TBL1X: variants seen among roughly 807,000 people sequenced by gnomAD.
TBL1X encodes F-box-like/WD repeat-containing protein TBL1X.
In TBL1X, 10 loss-of-function variants were observed where a neutral mutation model predicts 50.7. That is an observed-to-expected ratio of 0.20 (90% CI 0.12 to 0.33). The LOEUF is 0.33. TBL1X is among the 10% of genes least tolerant of loss of function. The probability of loss-of-function intolerance (pLI) is 1.00; values close to 1 mark genes in which losing one functional copy is unlikely to be tolerated. For missense variants in TBL1X, 340 were observed against 504.4 expected (o/e 0.67, Z 3.12); for synonymous variants, 190 against 214.7 (o/e 0.88, Z 1.01).
At chrX:9,504,952 A>T (rs2082018887) in intron 2 of TBL1X, among the ~76,000 whole-genome samples, 1 of 111,723 alleles carries the variant, frequency 9.0e-6, no homozygotes, top group South Asian at 3.8e-4. Context: ...AATTCAGGAA[A>T]TACTGGGAAC....
chrX:9,718,891 T>TG lies in TBL1X; in HGVS notation c.*2646dup, dbSNP rs1472842989. ...GCCGCAAGCAAAACCAAGCGCGAGA[T>TG]GCAGCTAGCACCCTTCATATCCATC... On this transcript the variant is annotated 3_prime_UTR_variant, in exon 18 of 18. Coordinates refer to ENST00000645353, the MANE Select transcript of TBL1X (RefSeq NM_005647.4). 3 of 111,763 alleles carry TG rather than the reference T, an allele frequency of 2.7e-5. No homozygotes were observed. The highest frequency in any genetic ancestry group is 9.8e-5 in the African/African-American group (3 of 30,743). 9.2% of individuals were successfully genotyped at this position (111,763 alleles called of 1,213,427 possible).
rs936521877 is a variant in TBL1X, at chrX:9,544,387, C to T, written c.-131+42538C>T. Among the ~76,000 whole-genome samples, 3 of 111,406 alleles carry T rather than the reference C, an allele frequency of 2.7e-5. No homozygotes were observed. In the East Asian group the frequency reaches 8.5e-4, roughly 32 times the overall value. ...CCTGAGTGTGCAGAGGTGAGGGATC[C>T]TCACACTGCCCAGCATGTACGTGGC... On this transcript the variant is annotated intron_variant, in intron 2 of 17. Coordinates refer to ENST00000645353, the MANE Select transcript of TBL1X (RefSeq NM_005647.4).
chrX:9,675,141 T>A (rs758133806), intron 5 of TBL1X, among the ~76,000 whole-genome samples: 25 of 112,311 alleles, frequency 2.2e-4, no homozygotes, highest in Non-Finnish European at 4.1e-4. Flanking sequence ...GCAGCAGTTG[T>A]CACCTTTTCT....
intron 2 of TBL1X, among the ~76,000 whole-genome samples, chrX:9,579,677 T>G (rs147797081): frequency 0.011 from 1,200 of 111,748 alleles, 5 homozygotes; most frequent in Middle Eastern, 0.028. Context: ...GTGAACATCC[T>G]TTGTTTCCAT....
At chrX:9,548,646 A>G (rs1003415002) in intron 2 of TBL1X, among the ~76,000 whole-genome samples, 1 of 112,467 alleles carries the variant, frequency 8.9e-6, no homozygotes, top group Non-Finnish European at 1.9e-5. Flanking sequence ...CAAAACCGTG[A>G]CGACTGCCAA....
At chrX:9,522,453 C>T (rs1468882302) in intron 2 of TBL1X, among the ~76,000 whole-genome samples, 3 of 111,179 alleles carry the variant, frequency 2.7e-5, no homozygotes, top group African/African-American at 6.5e-5. Flanking sequence ...GTTCTGGAAG[C>T]GAAACCTGCA....
At chrX:9,598,710 G>A (rs2082538214) in intron 2 of TBL1X, among the ~76,000 whole-genome samples, 1 of 111,599 alleles carries the variant, frequency 9.0e-6, no homozygotes, top group South Asian at 3.8e-4. Context: ...AGTTCTGGAG[G>A]CCAGAAGTCC....
At chrX:9,679,888 A>G (rs757967437) in intron 5 of TBL1X, among the ~76,000 whole-genome samples, 1 of 112,185 alleles carries the variant, frequency 8.9e-6, no homozygotes, top group Non-Finnish European at 1.9e-5. Flanking sequence ...CCTCTAGTAC[A>G]TAGTCCTTGG....
chrX:9,640,205 G>A (rs941673265), intron 2 of TBL1X, 68 bp from the exon 3 acceptor site: 1 of 112,380 alleles, frequency 8.9e-6, no homozygotes, highest in Non-Finnish European at 1.9e-5. Context: ...GGAACGGGAT[G>A]GTTGAGAGGT....
rs138446543 is a variant in TBL1X at position 9,478,287 on chromosome X, C to G, written c.-201+12840C>G. Reference sequence around the variant, plus strand: ...GCACAGGACCCCAGGGCACACACCCCCTTATGCTTCCCCTGTCTTTCATCT... The same window carrying G: ...GCACAGGACCCCAGGGCACACACCCGCTTATGCTTCCCCTGTCTTTCATCT... On this transcript the variant is annotated intron_variant, in intron 1 of 17. Transcript: ENST00000645353. Among the ~76,000 whole-genome samples the G allele has an allele frequency of 8.0e-3, 886 of 110,961 alleles. 14 individuals carry two copies. The highest frequency in any genetic ancestry group is 0.028 in the African/African-American group (861 of 30,533).
At chrX:9,712,004 C>T (rs2083250558) in intron 16 of TBL1X, among the ~76,000 whole-genome samples, 1 of 110,833 alleles carries the variant, frequency 9.0e-6, no homozygotes, top group Non-Finnish European at 1.9e-5. Context: ...TCGTGTCCAC[C>T]GTAATCATGG....
In TBL1X at chrX:9,609,254, AAAGT is replaced by A. The variant is rs757427613; in HGVS notation, c.-130-31015_-130-31012del. ...ATGCTGTAAGCAGTTTTTAAAAATA[AAAGT>A]AAGCATGAAAAGAAAAACATCTATA... On this transcript the variant is annotated intron_variant, in intron 2 of 17. Coordinates refer to ENST00000645353, the MANE Select transcript of TBL1X (RefSeq NM_005647.4). Among the ~76,000 whole-genome samples, 13 of 111,752 alleles carry A rather than the reference AAAGT, an allele frequency of 1.2e-4. No individual in the cohort carries two copies. The South Asian group carries it at 4.8e-3, about 42-fold the overall frequency.
intron 2 of TBL1X, among the ~76,000 whole-genome samples, chrX:9,630,839 G>A (rs2082717461): frequency 1.8e-5 from 2 of 112,247 alleles, no homozygotes; most frequent in African/African-American, 6.5e-5. Context: ...GCCTCCCAAA[G>A]TGCCGGGATT....
chrX:9,534,415 G>A (rs959521863), intron 2 of TBL1X, among the ~76,000 whole-genome samples: 2 of 110,355 alleles, frequency 1.8e-5, no homozygotes, highest in African/African-American at 3.3e-5. Flanking sequence ...ATTTGTTTTC[G>A]TGCTCATCGT....
chrX:9,712,877 AAG>A (rs1233045854), intron 16 of TBL1X, among the ~76,000 whole-genome samples: 1 of 111,262 alleles, frequency 9.0e-6, no homozygotes, highest in Non-Finnish European at 1.9e-5. Flanking sequence ...AGTCTAAGGG[AAG>A]AGAGAGGTGA....
chrX:9,475,548 A>G (rs1210325445), intron 1 of TBL1X, among the ~76,000 whole-genome samples: 1 of 104,344 alleles, frequency 9.6e-6, no homozygotes, highest in Non-Finnish European at 1.9e-5. Flanking sequence ...GCCTGGCCTC[A>G]TTAGGTTTTT....
intron 12 of TBL1X, among the ~76,000 whole-genome samples, chrX:9,704,737 T>A (rs1057248097): frequency 8.0e-5 from 8 of 100,593 alleles, no homozygotes; most frequent in South Asian, 4.5e-4. Flanking sequence ...AAAAAAAAAA[T>A]TTAAATTAGC....
chrX:9,683,874 C>T, intron 5 of TBL1X, 169 bp from the exon 6 acceptor site: 1 of 689,464 alleles, frequency 1.5e-6, no homozygotes, highest in Non-Finnish European at 2.2e-6. Context: ...CTGCCCTTTC[C>T]CACCTTACTG....
chrX:9,470,295 C>T (rs1017257470), intron 1 of TBL1X, among the ~76,000 whole-genome samples: 5 of 112,723 alleles, frequency 4.4e-5, no homozygotes, highest in African/African-American at 9.7e-5. Flanking sequence ...TATTTTGAGA[C>T]GGAGTCTCAC....
Sources: allele counts gnomAD v4.1 joint callset (sites outside exome capture counted in the v4.1 genomes callset), GRCh38; gene constraint gnomAD v4.1.1; transcripts MANE v1.5; gene names NCBI Gene and HGNC (gene_info 2026-07-23, HGNC 2026-07-21).